Variants in KIF13A observed in about 807,000 individuals in gnomAD.
KIF13A encodes kinesin-like protein KIF13A.
In KIF13A, 79 loss-of-function variants were observed where a neutral mutation model predicts 212.2. The observed-to-expected ratio is 0.37, with a 90% CI of 0.31 to 0.45. The LOEUF (loss-of-function observed/expected upper bound fraction) is 0.45, where lower values mean the gene tolerates loss of function less well. Among genes scored for constraint, KIF13A ranks in the 20% least tolerant of loss-of-function variants. KIF13A has a pLI of 1.00. For missense variants in KIF13A, 1,901 were observed against 2,209.0 expected (o/e 0.86, Z 2.79); for synonymous variants, 789 against 808.6 (o/e 0.98, Z 0.41).
rs1390310993 is a variant in KIF13A at position 17,855,301 on chromosome 6, G to A, written c.494+136C>T. The A allele has an allele frequency of 7.5e-6, 5 of 664,520 alleles. No homozygotes were observed. The highest frequency in any genetic ancestry group is 1.8e-5 in the African/African-American group (1 of 54,548). 41.2% of individuals were successfully genotyped at this position (664,520 alleles called of 1,614,324 possible). On this transcript the variant is annotated intron_variant, in intron 6 of 38. Coordinates refer to ENST00000259711, the MANE Select transcript of KIF13A (RefSeq NM_022113.6). The surrounding 1 kb of genome is among the most constrained non-coding windows in gnomAD (Gnocchi z 4.1). ...TACCAAAAGGCTTTGAGAAGCTGAT[G>A]ATTTTTCTGTAAATGAATGAAAACC... is the stretch of plus-strand genomic sequence containing the variant.
At chr6:17,969,766 T>G (rs1235321965) in intron 2 of KIF13A, among the ~76,000 whole-genome samples, 4 of 152,304 alleles carry the variant, frequency 2.6e-5, no homozygotes, top group African/African-American at 9.6e-5. Flanking sequence ...TGGGAAATCT[T>G]TTGGTTTTTG....
intron 6 of KIF13A, among the ~76,000 whole-genome samples, chr6:17,852,836 C>T (rs1480893911): frequency 6.6e-6 from 1 of 152,154 alleles, no homozygotes; most frequent in Non-Finnish European, 1.5e-5. Context: ...GATTATAGTA[C>T]AGAGTTTGTT....
chr6:17,903,354 T>C (rs189159723), intron 2 of KIF13A, among the ~76,000 whole-genome samples: 1 of 152,332 alleles, frequency 6.6e-6, no homozygotes, highest in Non-Finnish European at 1.5e-5. Context: ...TTGGGGGAAA[T>C]GTATCAATGA....
At position 17,926,504 on chromosome 6, in the gene KIF13A, T is replaced by C. The variant is rs1775512517; in HGVS notation, c.147-28324A>G. On this transcript the variant is annotated intron_variant, in intron 2 of 38. Coordinates refer to ENST00000259711, the MANE Select transcript of KIF13A (RefSeq NM_022113.6). This position sits in a 1 kb window ranked among gnomAD's most constrained non-coding sequence, Gnocchi z 4.3. Reference sequence around the variant, plus strand: ...GCCTCGGCCTCCCAAAGTGCTGGTATTACAGGTGTGAGCCACCATGCCTGG... The same window carrying C: ...GCCTCGGCCTCCCAAAGTGCTGGTACTACAGGTGTGAGCCACCATGCCTGG... Among the ~76,000 whole-genome samples the C allele has an allele frequency of 6.6e-6, 1 of 152,160 alleles. No homozygotes were observed.
At chr6:17,853,676 A>G (rs549891339) in intron 6 of KIF13A, among the ~76,000 whole-genome samples, 2 of 152,348 alleles carry the variant, frequency 1.3e-5, no homozygotes, top group African/African-American at 2.4e-5. Flanking sequence ...CACTTCATAT[A>G]TAAGAATAAA....
At chr6:17,887,317 T>G (rs1022917273) in intron 3 of KIF13A, among the ~76,000 whole-genome samples, 15 of 152,220 alleles carry the variant, frequency 9.9e-5, no homozygotes, top group African/African-American at 3.6e-4. Flanking sequence ...ATATTTTCGT[T>G]GTTTCTAGCC....
rs1423587182 is a variant in KIF13A at position 17,838,136 on chromosome 6, A to G, written c.831-553T>C. ...CAGGAGATCAAGACCATCCTGGCCAACATGGTGAAACCCCATCTCTACTAA... is the reference window on the plus strand; with the variant it reads ...CAGGAGATCAAGACCATCCTGGCCAGCATGGTGAAACCCCATCTCTACTAA... On this transcript the variant is annotated intron_variant, in intron 9 of 38. Transcript: ENST00000259711. This position sits in a 1 kb window ranked among gnomAD's most constrained non-coding sequence, Gnocchi z 4.2. Among the ~76,000 whole-genome samples, 1 of 152,078 alleles carries G rather than the reference A, an allele frequency of 6.6e-6. No individual in the cohort carries two copies. The highest frequency in any genetic ancestry group is 1.9e-4 in the East Asian group (1 of 5,194).
intron 11 of KIF13A, among the ~76,000 whole-genome samples, chr6:17,835,155 C>CA: frequency 7.3e-6 from 1 of 137,194 alleles, no homozygotes; most frequent in Non-Finnish European, 1.5e-5. Context: ...CACTGCACTC[C>CA]AGCCCGGGCA....
Position 17,898,309 on chromosome 6 carries a change from A to C in KIF13A, c.147-129T>G, listed in dbSNP as rs1272383928. The C allele has an allele frequency of 1.2e-6, 1 of 816,718 alleles. No individual in the cohort carries two copies. The highest frequency in any genetic ancestry group is 1.7e-5 in the African/African-American group (1 of 57,748). 50.6% of individuals were successfully genotyped at this position (816,718 alleles called of 1,614,324 possible). On this transcript the variant is annotated intron_variant, in intron 2 of 38. Coordinates refer to ENST00000259711, the MANE Select transcript of KIF13A (RefSeq NM_022113.6). The surrounding 1 kb of genome is among the most constrained non-coding windows in gnomAD (Gnocchi z 5.2). ...TTCAGCACCTTGATAACATGATCTG[A>C]AAGATATTCTTCTTCATGAAGATCA...
intron 2 of KIF13A, among the ~76,000 whole-genome samples, chr6:17,905,656 G>A (rs1209788283): frequency 3.9e-5 from 6 of 152,324 alleles, no homozygotes; most frequent in South Asian, 2.1e-4. Context: ...GAGGAGAAAC[G>A]CCTGGAGCAG....
intron 14 of KIF13A, among the ~76,000 whole-genome samples, chr6:17,827,639 T>G (rs1765086860): frequency 1.3e-5 from 2 of 152,052 alleles, no homozygotes; most frequent in African/African-American, 4.8e-5. Flanking sequence ...CACCTCAGCC[T>G]TGTAAGTAGC....
chr6:17,946,046 A>C (rs569289356), intron 2 of KIF13A, among the ~76,000 whole-genome samples: 1 of 152,374 alleles, frequency 6.6e-6, no homozygotes, highest in African/African-American at 2.4e-5. Context: ...GTAAAGCTTA[A>C]GACTTTTAGA....
At chr6:17,784,612 C>G (rs1264466674) in intron 28 of KIF13A, among the ~76,000 whole-genome samples, 1 of 152,114 alleles carries the variant, frequency 6.6e-6, no homozygotes, top group African/African-American at 2.4e-5. Flanking sequence ...CTACATGTTA[C>G]AAACACTCAA....
rs1764008953 is a variant in KIF13A, at chr6:17,817,007, C to A, written c.2000+13G>T. ...GGGCCTTGACTCTGGGCTGCCCCCGCTGCAGTTCTTACCTCTCTTCTGCCC... is the reference window on the plus strand; with the variant it reads ...GGGCCTTGACTCTGGGCTGCCCCCGATGCAGTTCTTACCTCTCTTCTGCCC... On this transcript the variant is annotated intron_variant, in intron 17 of 38. Transcript: ENST00000259711. 3 of 1,603,348 alleles carry A rather than the reference C, an allele frequency of 1.9e-6. No individual in the cohort carries two copies. Among genetic ancestry groups the A allele is most frequent in the Non-Finnish European group, 2.6e-6 (3 of 1,175,912 alleles).
At chr6:17,865,313 T>C (rs2150420963) in intron 4 of KIF13A, among the ~76,000 whole-genome samples, 1 of 125,456 alleles carries the variant, frequency 8.0e-6, no homozygotes, top group Admixed American at 8.0e-5. Context: ...GGAATCAGAG[T>C]AGAGAGAGAG....
At chr6:17,935,806 C>G (rs1461780353) in intron 2 of KIF13A, among the ~76,000 whole-genome samples, 1 of 152,166 alleles carries the variant, frequency 6.6e-6, no homozygotes, top group African/African-American at 2.4e-5. Context: ...TTGATTAGTA[C>G]AAATGAAGCT....
intron 9 of KIF13A, among the ~76,000 whole-genome samples, chr6:17,845,399 G>A (rs1484033259): frequency 2.0e-5 from 3 of 152,128 alleles, no homozygotes. Context: ...AATCCCAGAA[G>A]TAACATATAT....
At chr6:17,964,214 T>G (rs1448062982) in intron 2 of KIF13A, among the ~76,000 whole-genome samples, 1 of 152,146 alleles carries the variant, frequency 6.6e-6, no homozygotes, top group Non-Finnish European at 1.5e-5. Flanking sequence ...GTAAATCAGC[T>G]CCATCAACTC....
chr6:17,981,405 T>TTAG (rs1781064606), intron 2 of KIF13A, among the ~76,000 whole-genome samples: 1 of 151,788 alleles, frequency 6.6e-6, no homozygotes, highest in Admixed American at 6.6e-5. Flanking sequence ...ATAATTACTT[T>TTAG]TAGTTTTGTT....
Sources: allele counts gnomAD v4.1 joint callset (sites outside exome capture counted in the v4.1 genomes callset), GRCh38; gene constraint gnomAD v4.1.1; non-coding constraint Gnocchi (gnomAD v3.1); transcripts MANE v1.5; gene names NCBI Gene and HGNC (gene_info 2026-07-23, HGNC 2026-07-21).